Variants in ACVR1C observed in about 807,000 individuals in gnomAD.
ACVR1C encodes activin A receptor type 1C, also known as activin receptor type-1C.
ACVR1C carries 23 observed loss-of-function variants against 57.9 expected under a neutral mutation model. That is an observed-to-expected ratio of 0.40 (90% CI 0.29 to 0.56). The LOEUF is 0.56. ACVR1C is among the 20% of genes least tolerant of loss of function. ACVR1C has a pLI of 0.50. For synonymous variants in ACVR1C, 214 were observed against 215.3 expected (o/e 0.99, Z 0.05); for missense variants, 480 against 607.9 (o/e 0.79, Z 2.21).
intron 4 of ACVR1C, among the ~76,000 whole-genome samples, chr2:157,545,372 T>C (rs1687727103): frequency 6.6e-6 from 1 of 152,250 alleles, no homozygotes; most frequent in South Asian, 2.1e-4. Context: ...TCTGGCCAGA[T>C]GCTGTATATA....
chr2:157,553,052 C>T (rs1369515489), intron 3 of ACVR1C, among the ~76,000 whole-genome samples: 3 of 152,208 alleles, frequency 2.0e-5, no homozygotes, highest in Non-Finnish European at 2.9e-5. Flanking sequence ...AGGCATTATG[C>T]ATGTCTTTGA....
intron 2 of ACVR1C, among the ~76,000 whole-genome samples, chr2:157,564,885 T>G (rs1221173821): frequency 1.3e-5 from 2 of 152,008 alleles, no homozygotes; most frequent in South Asian, 4.2e-4. Flanking sequence ...TATTCTCACT[T>G]ATTAAGTGGG....
Position 157,628,487 on chromosome 2 carries a change from C to T in ACVR1C, c.73+85G>A. 3 of 1,458,840 alleles carry T rather than the reference C, an allele frequency of 2.1e-6. No homozygotes were observed. The South Asian group carries it at 3.6e-5, about 18-fold the overall frequency. 90.4% of individuals were successfully genotyped at this position (1,458,840 alleles called of 1,614,324 possible). ...CGAAGGTCAGTTTGCTCGGAGCACC[C>T]CCTGTCCCCCACCCCCGTGCTCACC... On this transcript the variant is annotated intron_variant, in intron 1 of 8. Transcript: ENST00000243349.
intron 2 of ACVR1C, among the ~76,000 whole-genome samples, chr2:157,562,210 G>A (rs557872543): frequency 8.6e-5 from 13 of 151,240 alleles, no homozygotes; most frequent in African/African-American, 1.9e-4. Context: ...TAGAAGAATC[G>A]CTTGAACCCA....
Position 157,531,702 on chromosome 2 carries a change from G to T in ACVR1C, c.*2216C>A, listed in dbSNP as rs1216264783. On this transcript the variant is annotated 3_prime_UTR_variant, in exon 9 of 9. Transcript: ENST00000243349. ...CAAGCAAGATTACCCCTTCACATAG[G>T]CTCTTTTTAAAAATCACTTCACATA... The T allele has an allele frequency of 2.0e-5, 3 of 151,954 alleles. No individual in the cohort carries two copies. The highest frequency in any genetic ancestry group is 7.3e-5 in the African/African-American group (3 of 41,374). 9.4% of individuals were successfully genotyped at this position (151,954 alleles called of 1,614,324 possible).
In ACVR1C at chr2:157,587,889, C is replaced by A. The variant is rs372653719; in HGVS notation, c.74-472G>T. On this transcript the variant is annotated intron_variant, in intron 1 of 8. Coordinates refer to ENST00000243349, the MANE Select transcript of ACVR1C (RefSeq NM_145259.3). ...TCCTTTAAACTTTTAAGCAAATGTGCTAAACGCAAAGCTAACCATAGATAT... is the reference window on the plus strand; with the variant it reads ...TCCTTTAAACTTTTAAGCAAATGTGATAAACGCAAAGCTAACCATAGATAT... 1.1e-3 allele frequency among the ~76,000 whole-genome samples: 166 copies of A among 152,124 alleles called. 1 individual carries two copies. The highest frequency in any genetic ancestry group is 3.9e-3 in the African/African-American group (161 of 41,524).
chr2:157,578,848 T>C (rs1688721363), intron 2 of ACVR1C, among the ~76,000 whole-genome samples: 1 of 152,226 alleles, frequency 6.6e-6, no homozygotes, highest in South Asian at 2.1e-4. Flanking sequence ...TGATTAACAC[T>C]GAATTCAACT....
At chr2:157,536,814 A>G (rs1687498817) in intron 8 of ACVR1C, among the ~76,000 whole-genome samples, 1 of 152,180 alleles carries the variant, frequency 6.6e-6, no homozygotes, top group Non-Finnish European at 1.5e-5. Flanking sequence ...ATAAAACAAG[A>G]CAGAAACAAA....
chr2:157,590,299 CAA>C (rs1689031368), intron 1 of ACVR1C, among the ~76,000 whole-genome samples: 1 of 151,878 alleles, frequency 6.6e-6, no homozygotes, highest in African/African-American at 2.4e-5. Flanking sequence ...GCTAATCACT[CAA>C]ATTGGAGTTG....
At chr2:157,561,952 T>C (rs562043073) in intron 2 of ACVR1C, among the ~76,000 whole-genome samples, 34 of 152,166 alleles carry the variant, frequency 2.2e-4, no homozygotes, top group Admixed American at 1.6e-3. Flanking sequence ...AGATCTACTA[T>C]GTAATATGTG....
intron 1 of ACVR1C, among the ~76,000 whole-genome samples, chr2:157,611,501 G>C (rs1160586182): frequency 6.6e-6 from 1 of 152,138 alleles, no homozygotes; most frequent in Non-Finnish European, 1.5e-5. Context: ...GCCCATTCTT[G>C]GGCCTCCAGG....
intron 2 of ACVR1C, among the ~76,000 whole-genome samples, chr2:157,558,258 T>C (rs576021667): frequency 6.4e-4 from 97 of 152,298 alleles, no homozygotes; most frequent in African/African-American, 2.3e-3. Context: ...TGGAAAGCAA[T>C]AGCTTGACAC....
intron 2 of ACVR1C, among the ~76,000 whole-genome samples, chr2:157,583,340 T>C (rs1194744659): frequency 6.6e-6 from 1 of 152,202 alleles, no homozygotes; most frequent in Non-Finnish European, 1.5e-5. Flanking sequence ...ACCTGTTCTC[T>C]GATAACTACA....
chr2:157,533,953 A>T lies in ACVR1C; in HGVS notation c.1447T>A (p.Ser483Thr), dbSNP rs2105198233. The T allele has an allele frequency of 3.8e-6, 6 of 1,592,704 alleles. No homozygotes were observed. Among genetic ancestry groups the T allele is most frequent in the Non-Finnish European group, 5.1e-6 (6 of 1,171,852 alleles). ...LTALRIKKTI[S>T]QLCVKEDCKA ...CAGTCTTCTTTGACACAAAGTTGAG[A>T]TATAGTCTTCTTAATACGAAGAGCA... The change falls in exon 9 of 9, where the codon TCT becomes ACT. Residue 483 changes from serine to threonine, a missense_variant. Ser to Thr is a moderately conservative substitution (Grantham distance 58). Coordinates refer to ENST00000243349, the MANE Select transcript of ACVR1C (RefSeq NM_145259.3).
At chr2:157,607,090 T>G (rs1426027890) in intron 1 of ACVR1C, among the ~76,000 whole-genome samples, 1 of 151,948 alleles carries the variant, frequency 6.6e-6, no homozygotes, top group Non-Finnish European at 1.5e-5. Flanking sequence ...AAATGTGTAT[T>G]CATGGCAGCT....
At chr2:157,581,089 G>C (rs1389224581) in intron 2 of ACVR1C, among the ~76,000 whole-genome samples, 1 of 152,094 alleles carries the variant, frequency 6.6e-6, no homozygotes, top group African/African-American at 2.4e-5. Context: ...TTTTGGGTTG[G>C]TAACACCCCC....
intron 1 of ACVR1C, among the ~76,000 whole-genome samples, chr2:157,608,651 A>G (rs183802393): frequency 6.6e-6 from 1 of 151,950 alleles, no homozygotes; most frequent in Admixed American, 6.6e-5. Flanking sequence ...TTACAACTCA[A>G]TCTCACTGCT....
chr2:157,616,335 T>C (rs1382643397), intron 1 of ACVR1C, among the ~76,000 whole-genome samples: 1 of 152,150 alleles, frequency 6.6e-6, no homozygotes, highest in African/African-American at 2.4e-5. Flanking sequence ...TTTGGCTGTG[T>C]CAGGTCAATT....
chr2:157,607,481 A>T (rs1188412757), intron 1 of ACVR1C, among the ~76,000 whole-genome samples: 1 of 151,274 alleles, frequency 6.6e-6, no homozygotes, highest in Non-Finnish European at 1.5e-5. Flanking sequence ...GAATTTTAGG[A>T]TTTTTTTTAT....
Sources: allele counts gnomAD v4.1 joint callset (sites outside exome capture counted in the v4.1 genomes callset), GRCh38; gene constraint gnomAD v4.1.1; transcripts MANE v1.5; gene names NCBI Gene and HGNC (gene_info 2026-07-23, HGNC 2026-07-21).